DNAAF10: variants seen among roughly 807,000 people sequenced by gnomAD.
DNAAF10 encodes WD repeat domain 92.
A neutral mutation model predicts 43.7 loss-of-function variants in DNAAF10; 28 were observed. That is an observed-to-expected ratio of 0.64 (90% CI 0.48 to 0.88). The LOEUF (loss-of-function observed/expected upper bound fraction) is 0.88, where lower values mean the gene tolerates loss of function less well. DNAAF10 is among the 40% of genes least tolerant of loss of function. The probability of loss-of-function intolerance (pLI) is 0.00; values close to 1 mark genes in which losing one functional copy is unlikely to be tolerated. For synonymous variants in DNAAF10, 156 were observed against 157.3 expected, an observed-to-expected ratio of 0.99 and a Z score of 0.06; for missense variants, 403 against 439.1, an observed-to-expected ratio of 0.92 and a Z score of 0.73.
At chr2:68,134,118 G>A (rs1672981074) in intron 7 of DNAAF10, 1 of 983,638 alleles carries the variant, frequency 1.0e-6, no homozygotes, top group Non-Finnish European at 1.2e-6. Context: ...TTTTTGTTTT[G>A]TTTTGTTTTG....
chr2:68,132,146 G>A (rs1007895388), intron 7 of DNAAF10: 2 of 152,292 alleles, frequency 1.3e-5, no homozygotes, highest in African/African-American at 4.8e-5. Context: ...AAAGGGGAAA[G>A]AGAACACTCC....
chr2:68,147,501 C>T lies in DNAAF10; in HGVS notation c.250G>A (p.Ala84Thr), dbSNP rs151311133. The T allele has an allele frequency of 9.3e-6, 15 of 1,611,804 alleles. No homozygotes were observed. Among genetic ancestry groups the T allele is most frequent in the South Asian group, 3.3e-5 (3 of 90,848 alleles). The change falls in exon 2 of 8, where the codon GCT becomes ACT. Residue 84 changes from alanine to threonine, a missense_variant. Transcript: ENST00000295121. ...GATSLQQRYL[A>T]TGDFGGNLHI... ...AGGTTTCCACCAAAATCTCCAGTAG[C>T]TAAATATCTCTGCTGTAAAGATGTT... is the stretch of plus-strand genomic sequence containing the variant.
At chr2:68,134,866 A>C in intron 6 of DNAAF10, 67 bp from the exon 7 acceptor site, 1 of 1,559,708 alleles carries the variant, frequency 6.4e-7, no homozygotes, top group Middle Eastern at 1.8e-4. Flanking sequence ...GAAACGCTGC[A>C]AATAAAAAAC....
At chr2:68,138,175 AAAACAAAC>A (rs150999876) in intron 5 of DNAAF10, among the ~76,000 whole-genome samples, 3,793 of 151,940 alleles carry the variant, frequency 0.025, 138 homozygotes, top group African/African-American at 0.083. Flanking sequence ...ACTCCATCTC[AAAACAAAC>A]AAACAAACAA....
At position 68,156,159 on chromosome 2, in the gene DNAAF10, T is replaced by C. The variant is rs1232701473; in HGVS notation, c.183+1102A>G. On this transcript the variant is annotated intron_variant, in intron 1 of 7. Coordinates refer to ENST00000295121, the MANE Select transcript of DNAAF10 (RefSeq NM_138458.4). ...TTACCAGAAGCTAAGTGATGAACAA[T>C]ACAAGGAACGAAGGAAAGGTAGAAA... Among the ~76,000 whole-genome samples, 5 of 118,510 alleles carry C rather than the reference T, an allele frequency of 4.2e-5. No individual in the cohort carries two copies. In the East Asian group the frequency reaches 1.4e-3, roughly 33 times the overall value. 77.7% of individuals were successfully genotyped at this position (118,510 alleles called of 152,430 possible).
chr2:68,154,306 G>A (rs879518371), intron 1 of DNAAF10, among the ~76,000 whole-genome samples: 6 of 152,048 alleles, frequency 3.9e-5, no homozygotes, highest in Non-Finnish European at 8.8e-5. Flanking sequence ...GAGTGCAGTG[G>A]CGCGATCTCG....
At chr2:68,134,595 A>G in intron 7 of DNAAF10, 107 bp downstream of exon 7, 1 of 1,545,868 alleles carries the variant, frequency 6.5e-7, no homozygotes, top group Middle Eastern at 1.8e-4. Context: ...AATCATATCA[A>G]AATGAACTAA....
At chr2:68,144,806 T>C in intron 2 of DNAAF10, 91 bp from the exon 3 acceptor site, 9 of 1,456,732 alleles carry the variant, frequency 6.2e-6, no homozygotes, top group Non-Finnish European at 8.2e-6. Context: ...GTTAGATTTT[T>C]TCTGTATAGA....
intron 5 of DNAAF10, 65 bp from the exon 6 acceptor site, chr2:68,137,498 T>G: frequency 7.4e-7 from 1 of 1,354,082 alleles, no homozygotes; most frequent in Non-Finnish European, 9.9e-7. Context: ...TCTTTTATAC[T>G]AAGTAAAACA....
Position 68,137,306 on chromosome 2 carries a change from G to A in DNAAF10, c.761C>T (p.Ser254Leu), listed in dbSNP as rs994476034. 9.9e-6 allele frequency: 16 copies of A among 1,609,304 alleles called. No individual in the cohort carries two copies. Among genetic ancestry groups the A allele is most frequent in the Non-Finnish European group, 1.4e-5 (16 of 1,178,052 alleles). ...QHPTKGFASVSEKAHKSTVWQ... is the reference protein window; with the variant it reads ...QHPTKGFASVLEKAHKSTVWQ... ...CATTTCCCTCATATTTACCTTTTCT[G>A]AAACAGAGGCAAAACCTTTGGTTGG... is the stretch of plus-strand genomic sequence containing the variant. The change falls in exon 6 of 8, where the codon TCA becomes TTA. Residue 254 changes from serine to leucine, a missense_variant. Transcript: ENST00000295121.
At chr2:68,131,837 T>A in intron 7 of DNAAF10, 2 of 206,714 alleles carry the variant, frequency 9.7e-6, no homozygotes, top group South Asian at 1.5e-4. Flanking sequence ...GCAAACAATG[T>A]GCAAAGGCAA....
intron 7 of DNAAF10, among the ~76,000 whole-genome samples, chr2:68,132,602 A>T (rs970520054): frequency 1.3e-5 from 2 of 152,240 alleles, no homozygotes; most frequent in Non-Finnish European, 2.9e-5. Context: ...CATTCAAAAA[A>T]CAAGTCGTGA....
intron 6 of DNAAF10, among the ~76,000 whole-genome samples, chr2:68,136,595 G>T (rs1467746745): frequency 6.6e-6 from 1 of 152,144 alleles, no homozygotes; most frequent in East Asian, 1.9e-4. Flanking sequence ...ATCTGTAACT[G>T]ATCTTTCTTT....
chr2:68,146,126 G>A (rs1207520756), intron 2 of DNAAF10, among the ~76,000 whole-genome samples: 5 of 152,224 alleles, frequency 3.3e-5, no homozygotes, highest in African/African-American at 1.2e-4. Flanking sequence ...GCCAGGCGTG[G>A]TGGTGGGCAC....
chr2:68,149,328 G>C (rs558357821), intron 1 of DNAAF10, among the ~76,000 whole-genome samples: 1 of 152,290 alleles, frequency 6.6e-6, no homozygotes, highest in Non-Finnish European at 1.5e-5. Flanking sequence ...ACGTGGCCAA[G>C]TCTAAAAGCA....
intron 4 of DNAAF10, among the ~76,000 whole-genome samples, chr2:68,141,266 CTG>C (rs1326050077): frequency 6.6e-6 from 1 of 152,170 alleles, no homozygotes; most frequent in East Asian, 1.9e-4. Context: ...TGTTAGGTAA[CTG>C]TTTGCATTTG....
chr2:68,134,342 C>A, intron 7 of DNAAF10: 1 of 1,064,792 alleles, frequency 9.4e-7, no homozygotes, highest in Non-Finnish European at 1.1e-6. Context: ...GGGTCTATCA[C>A]AATGATGTTA....
At chr2:68,142,045 G>C (rs574401570) in intron 3 of DNAAF10, among the ~76,000 whole-genome samples, 1 of 152,304 alleles carries the variant, frequency 6.6e-6, no homozygotes, top group East Asian at 1.9e-4. Flanking sequence ...GTGTTCCTAA[G>C]TTATCTACGA....
intron 5 of DNAAF10, 81 bp from the exon 6 acceptor site, chr2:68,137,514 A>T: frequency 1.6e-6 from 2 of 1,261,594 alleles, no homozygotes; most frequent in Non-Finnish European, 2.1e-6. Context: ...AAACAGCTTT[A>T]AAATGGTCAG....
Sources: gnomAD v4.1 joint callset for allele counts (sites outside exome capture counted in the v4.1 genomes callset) on GRCh38, gnomAD v4.1.1 for gene constraint, MANE v1.5 for transcripts, NCBI Gene and HGNC (gene_info 2026-07-23, HGNC 2026-07-21) for gene names.